Variants in DSCAML1 observed in about 807,000 individuals in gnomAD.
DSCAML1 encodes cell adhesion molecule DSCAML1.
A neutral mutation model predicts 200.5 loss-of-function variants in DSCAML1; 38 were observed. The ratio of observed to expected loss-of-function variants is 0.19; its 90% confidence interval spans 0.15 to 0.25. The LOEUF is 0.25. DSCAML1 is among the 10% of genes least tolerant of loss of function. DSCAML1 has a pLI of 1.00. For synonymous variants in DSCAML1, 1,215 were observed against 1,165.0 expected (o/e 1.04, Z -0.87); for missense variants, 2,223 against 2,858.8 (o/e 0.78, Z 5.07).
At chr11:117,435,832 C>A (rs2047904504) in intron 26 of DSCAML1, 33 bp from the exon 27 acceptor site, 1 of 1,583,648 alleles carries the variant, frequency 6.3e-7, no homozygotes, top group African/African-American at 1.3e-5. Flanking sequence ...ATTAGATGTC[C>A]CTTATGAGCC....
chr11:117,816,808 G>GGGGC lies in DSCAML1; in HGVS notation c.-250+581_-250+582insGCCC, dbSNP rs1555038478. On this transcript the variant is annotated intron_variant, in intron 1 of 2. Coordinates refer to the DSCAML1 transcript ENST00000525836. ...AGAGTTCGGAATTGCTGGGGGGGTGGGGTGGAGATTTCTCCTGATGCCCCA... is the reference window on the plus strand; with the variant it reads ...AGAGTTCGGAATTGCTGGGGGGGTGGGGGCGGTGGAGATTTCTCCTGATGCCCCA... Among the ~76,000 whole-genome samples, 388 of 128,166 alleles carry GGGGC rather than the reference G, an allele frequency of 3.0e-3. 5 individuals are homozygous for GGGGC. Among genetic ancestry groups the GGGGC allele is most frequent in the African/African-American group, 9.4e-3 (360 of 38,146 alleles). 84.1% of individuals were successfully genotyped at this position (128,166 alleles called of 152,430 possible).
chr11:117,591,794 C>T (rs1407406652), intron 3 of DSCAML1, among the ~76,000 whole-genome samples: 1 of 152,028 alleles, frequency 6.6e-6, no homozygotes, highest in Non-Finnish European at 1.5e-5. Flanking sequence ...GGAGCACTTG[C>T]CAGGGATGCA....
intron 18 of DSCAML1, among the ~76,000 whole-genome samples, chr11:117,460,726 T>C (rs1315074338): frequency 6.6e-6 from 1 of 152,162 alleles, no homozygotes; most frequent in Admixed American, 6.5e-5. Flanking sequence ...GCCATCTTAC[T>C]GGTTTCTCTC....
intron 3 of DSCAML1, among the ~76,000 whole-genome samples, chr11:117,769,246 A>ATATTATATAT (rs762407388): frequency 9.1e-4 from 3 of 3,306 alleles, no homozygotes; most frequent in Non-Finnish European, 2.5e-3. Flanking sequence ...TATTTTATAT[A>ATATTATATAT]TGTATATATT....
chr11:117,506,604 G>A (rs945358665), intron 8 of DSCAML1, among the ~76,000 whole-genome samples: 6 of 148,812 alleles, frequency 4.0e-5, no homozygotes, highest in South Asian at 4.3e-4. Context: ...TCACCCAGGC[G>A]GGAGTACAGT....
intron 3 of DSCAML1, among the ~76,000 whole-genome samples, chr11:117,634,303 C>A (rs965407275): frequency 6.6e-6 from 1 of 152,162 alleles, no homozygotes; most frequent in Non-Finnish European, 1.5e-5. Context: ...CAGTGGGCAT[C>A]AGGAAGACTC....
At chr11:117,753,353 T>G (rs913286685) in intron 3 of DSCAML1, among the ~76,000 whole-genome samples, 3 of 152,194 alleles carry the variant, frequency 2.0e-5, no homozygotes, top group Non-Finnish European at 4.4e-5. Flanking sequence ...ATTCTTCTCC[T>G]CCCTTTGCCC....
intron 1 of DSCAML1, 69 bp downstream of exon 1, chr11:117,796,965 C>T (rs983805174): frequency 1.7e-6 from 2 of 1,189,264 alleles, no homozygotes; most frequent in South Asian, 3.5e-5. Flanking sequence ...CCGGGCACCC[C>T]GCCTCGCCGC....
rs1385347990 is a variant in DSCAML1, at chr11:117,505,425, T to C, written c.2062+29A>G. On this transcript the variant is annotated intron_variant, in intron 9 of 32. Coordinates refer to ENST00000651296, the MANE Select transcript of DSCAML1 (RefSeq NM_020693.4). This position sits in a 1 kb window ranked among gnomAD's most constrained non-coding sequence, Gnocchi z 6.7. The stretch of plus-strand genomic sequence containing the variant: ...GCAGCAGGCAGAATGGGCTCCTCCC[T>C]CCCCTGAGGCTGGCCTGTCCCTGCT... The C allele has an allele frequency of 6.3e-7, 1 of 1,597,216 alleles. No homozygotes were observed.
At chr11:117,464,834 C>A in intron 17 of DSCAML1, 108 bp downstream of exon 17, 2 of 1,522,290 alleles carry the variant, frequency 1.3e-6, no homozygotes, top group Non-Finnish European at 1.8e-6. Context: ...ACCACAGGAC[C>A]AAAATGGGGC....
At chr11:117,476,636 A>G (rs2048799022) in intron 14 of DSCAML1, among the ~76,000 whole-genome samples, 1 of 152,200 alleles carries the variant, frequency 6.6e-6, no homozygotes, top group South Asian at 2.1e-4. Flanking sequence ...CAGGGGCGAA[A>G]TGTGGTGTCT....
chr11:117,673,052 G>A (rs1008097243), intron 3 of DSCAML1, among the ~76,000 whole-genome samples: 7 of 152,008 alleles, frequency 4.6e-5, no homozygotes, highest in African/African-American at 1.2e-4. Flanking sequence ...CATCTCCTCG[G>A]GCAATCGGTT....
At position 117,486,919 on chromosome 11, in the gene DSCAML1, T is replaced by C. The variant is rs1243400154; in HGVS notation, c.2360-4757A>G. 6.3e-3 allele frequency among the ~76,000 whole-genome samples: 526 copies of C among 83,546 alleles called. 10 individuals are homozygous for C. The highest frequency in any genetic ancestry group is 0.03 in the African/African-American group (503 of 16,580). 54.8% of individuals were successfully genotyped at this position (83,546 alleles called of 152,430 possible). A position where few individuals can be genotyped will look rare whatever the true frequency, so the allele number is the denominator to read the frequency against. ...AAAAGAATGTAAAATACCTTTTTTT[T>C]TTTTTTTTTTTTTTTTTTTTTTGAG... On this transcript the variant is annotated intron_variant, in intron 11 of 32. Transcript: ENST00000651296.
chr11:117,755,753 A>T lies in DSCAML1; in HGVS notation c.511+21038T>A, dbSNP rs149318372. 5.0e-3 allele frequency among the ~76,000 whole-genome samples: 754 copies of T among 152,142 alleles called. 25 individuals carry two copies. Among genetic ancestry groups the T allele is most frequent in the Admixed American group, 0.045 (687 of 15,280 alleles). On this transcript the variant is annotated intron_variant, in intron 3 of 32. Transcript: ENST00000651296. ...GATCAGTTTTCCCCACCCACAGGAGATCTCTGAGTGTTGGGGCTGACACCA... is the reference window on the plus strand; with the variant it reads ...GATCAGTTTTCCCCACCCACAGGAGTTCTCTGAGTGTTGGGGCTGACACCA...
At chr11:117,738,431 T>G (rs2054361995) in intron 3 of DSCAML1, among the ~76,000 whole-genome samples, 1 of 151,978 alleles carries the variant, frequency 6.6e-6, no homozygotes, top group Non-Finnish European at 1.5e-5. Context: ...CCCCTCTGGC[T>G]GACGTCAGCA....
At chr11:117,659,941 C>T (rs1307453262) in intron 3 of DSCAML1, among the ~76,000 whole-genome samples, 1 of 152,136 alleles carries the variant, frequency 6.6e-6, no homozygotes, top group African/African-American at 2.4e-5. Context: ...CCAGGCTGGT[C>T]TTGAACTCCT....
chr11:117,751,489 C>T (rs998328400), intron 3 of DSCAML1, among the ~76,000 whole-genome samples: 2 of 151,846 alleles, frequency 1.3e-5, no homozygotes, highest in Non-Finnish European at 2.9e-5. Context: ...TTTCTCACCC[C>T]TCTCAAGCTA....
At chr11:117,726,017 GC>G (rs1332062138) in intron 3 of DSCAML1, among the ~76,000 whole-genome samples, 1 of 152,138 alleles carries the variant, frequency 6.6e-6, no homozygotes, top group African/African-American at 2.4e-5. Context: ...GACATCCTCA[GC>G]CCAGGTCAGG....
intron 1 of DSCAML1, among the ~76,000 whole-genome samples, chr11:117,792,194 C>A (rs528431): frequency 0.32 from 48,896 of 152,084 alleles, 8,245 homozygotes; most frequent in South Asian, 0.44. Context: ...CTCCATACCA[C>A]ATCTCTTGGA....
Sources: gnomAD v4.1 joint callset for allele counts (sites outside exome capture counted in the v4.1 genomes callset) on GRCh38, gnomAD v4.1.1 for gene constraint, Gnocchi (gnomAD v3.1) non-coding constraint, MANE v1.5 for transcripts, NCBI Gene and HGNC (gene_info 2026-07-23, HGNC 2026-07-21) for gene names.